The following CCSER1 variants were observed in gnomAD, a reference collection of about 807,000 sequenced individuals.
CCSER1 encodes the protein serine-rich coiled-coil domain-containing protein 1.
Under a neutral mutation model 82.0 loss-of-function variants are expected in CCSER1, and 41 were observed. That is an observed-to-expected ratio of 0.50 (90% CI 0.39 to 0.65). CCSER1 has a LOEUF of 0.65. Among genes scored for constraint, CCSER1 ranks in the 30% least tolerant of loss-of-function variants. CCSER1 has a pLI of 0.00. For missense variants in CCSER1, 1,119 were observed against 1,064.2 expected, an observed-to-expected ratio of 1.05 and a Z score of -0.72; for synonymous variants, 414 against 383.9, an observed-to-expected ratio of 1.08 and a Z score of -0.92.
intron 5 of CCSER1, among the ~76,000 whole-genome samples, chr4:90,587,540 G>A (rs1782172846): frequency 6.6e-6 from 1 of 152,126 alleles, no homozygotes; most frequent in African/African-American, 2.4e-5. Context: ...AACCCGGGAG[G>A]TGGAGGTTGA....
chr4:90,805,888 A>G (rs983839882), intron 7 of CCSER1, among the ~76,000 whole-genome samples: 6 of 152,186 alleles, frequency 3.9e-5, no homozygotes, highest in African/African-American at 1.4e-4. Flanking sequence ...TCTACACATC[A>G]ATATGATTTC....
chr4:91,209,792 T>C lies in CCSER1; in HGVS notation c.2217+123798T>C, dbSNP rs191512392. Among the ~76,000 whole-genome samples, 34 of 151,770 alleles carry C rather than the reference T, an allele frequency of 2.2e-4. 1 individual carries two copies. The East Asian group carries it at 5.0e-3, about 22-fold the overall frequency. On this transcript the variant is annotated intron_variant, in intron 10 of 10. Transcript: ENST00000509176. ...GGTCTGTTCATGGATTCATTTTTTT[T>C]CCCCAATTCAGTCTAGGGAGGATGT...
intron 5 of CCSER1, among the ~76,000 whole-genome samples, chr4:90,623,286 G>A (rs375937334): frequency 1.3e-4 from 19 of 151,826 alleles, no homozygotes; most frequent in African/African-American, 2.7e-4. Context: ...CCCCAACCTC[G>A]GCCTCCCAAA....
Position 91,183,702 on chromosome 4 carries a change from C to T in CCSER1, c.2217+97708C>T, listed in dbSNP as rs578035813. Among the ~76,000 whole-genome samples, 5 of 152,278 alleles carry T rather than the reference C, an allele frequency of 3.3e-5. No homozygotes were observed. The East Asian group carries it at 7.7e-4, about 24-fold the overall frequency. ...TAAGTCCTGTTCTTGGACAATAACA[C>T]CAGTAGGTGAATGCTGAGTTGAAAA... On this transcript the variant is annotated intron_variant, in intron 10 of 10. Transcript: ENST00000509176.
At chr4:90,600,366 T>G (rs990744207) in intron 5 of CCSER1, among the ~76,000 whole-genome samples, 15 of 152,148 alleles carry the variant, frequency 9.9e-5, no homozygotes, top group African/African-American at 3.4e-4. Context: ...CTTTTTAGTT[T>G]TAGCCTTTTA....
At chr4:90,659,712 A>G (rs1045954566) in intron 6 of CCSER1, among the ~76,000 whole-genome samples, 2 of 152,074 alleles carry the variant, frequency 1.3e-5, no homozygotes, top group Non-Finnish European at 1.5e-5. Context: ...ATCACTCTAT[A>G]TAGCATTTAA....
intron 4 of CCSER1, among the ~76,000 whole-genome samples, chr4:90,432,029 T>A (rs953394479): frequency 3.9e-5 from 6 of 151,962 alleles, no homozygotes; most frequent in African/African-American, 1.4e-4. Flanking sequence ...ACCCCCTAGA[T>A]CTCCCCATGG....
At chr4:91,457,133 C>T (rs1027537662) in intron 10 of CCSER1, among the ~76,000 whole-genome samples, 3 of 152,076 alleles carry the variant, frequency 2.0e-5, no homozygotes, top group African/African-American at 7.2e-5. Flanking sequence ...AGAATGGCTA[C>T]ACGTCTCCCA....
chr4:90,970,297 G>T (rs1449389174), intron 9 of CCSER1, among the ~76,000 whole-genome samples: 3 of 151,540 alleles, frequency 2.0e-5, no homozygotes, highest in African/African-American at 7.3e-5. Context: ...AGACAGTAAG[G>T]GTGAGTATAA....
intron 3 of CCSER1, among the ~76,000 whole-genome samples, chr4:90,358,587 G>T (rs1270551432): frequency 6.6e-6 from 1 of 152,040 alleles, no homozygotes; most frequent in Non-Finnish European, 1.5e-5. Flanking sequence ...TAGGAGAAAA[G>T]ATTAAATTGA....
chr4:90,292,926 C>G (rs992327850), intron 1 of CCSER1, among the ~76,000 whole-genome samples: 1 of 151,914 alleles, frequency 6.6e-6, no homozygotes, highest in African/African-American at 2.4e-5. Context: ...ACTATCCTAA[C>G]ATGTATTCCG....
intron 10 of CCSER1, among the ~76,000 whole-genome samples, chr4:91,576,973 C>CAT (rs1763480595): frequency 7.2e-6 from 1 of 139,496 alleles, no homozygotes. Context: ...TTGTATACCT[C>CAT]ATATATATTT....
At chr4:91,381,536 C>T (rs1009407694) in intron 10 of CCSER1, among the ~76,000 whole-genome samples, 5 of 152,274 alleles carry the variant, frequency 3.3e-5, no homozygotes, top group East Asian at 3.9e-4. Context: ...TTGATCAAAT[C>T]GGCTACTAAA....
intron 10 of CCSER1, among the ~76,000 whole-genome samples, chr4:91,112,082 C>T (rs1466662505): frequency 2.0e-5 from 3 of 151,994 alleles, no homozygotes; most frequent in East Asian, 3.9e-4. Context: ...TCAGCTTTAA[C>T]GTGTTTCTAA....
chr4:90,149,988 A>G (rs1363849196), intron 1 of CCSER1, among the ~76,000 whole-genome samples: 1 of 152,120 alleles, frequency 6.6e-6, no homozygotes, highest in Admixed American at 6.6e-5. Context: ...TATAAAGTTG[A>G]CCCTTGAACA....
chr4:91,315,220 A>T (rs980559196), intron 10 of CCSER1, among the ~76,000 whole-genome samples: 1 of 151,802 alleles, frequency 6.6e-6, no homozygotes, highest in African/African-American at 2.4e-5. Context: ...GGAGGCAGAC[A>T]AAGAGTAATC....
chr4:90,147,401 A>T (rs1163949644), intron 1 of CCSER1, among the ~76,000 whole-genome samples: 1 of 152,192 alleles, frequency 6.6e-6, no homozygotes, highest in Non-Finnish European at 1.5e-5. Context: ...TTATTAGGTC[A>T]AAAGTATTCC....
At chr4:91,580,623 T>G (rs1763683677) in intron 10 of CCSER1, among the ~76,000 whole-genome samples, 1 of 151,694 alleles carries the variant, frequency 6.6e-6, no homozygotes. Context: ...TTCAAAATTG[T>G]GAATTAAGGG....
chr4:91,291,949 A>G (rs1296738340), intron 10 of CCSER1, among the ~76,000 whole-genome samples: 2 of 152,088 alleles, frequency 1.3e-5, no homozygotes, highest in African/African-American at 2.4e-5. Context: ...ATAAACGCAG[A>G]CTTCTAACTC....
Sources: gnomAD v4.1 joint callset for allele counts (sites outside exome capture counted in the v4.1 genomes callset) on GRCh38, gnomAD v4.1.1 for gene constraint, MANE v1.5 for transcripts, NCBI Gene and HGNC (gene_info 2026-07-23, HGNC 2026-07-21) for gene names.